CYRIA: variants seen among roughly 807,000 people sequenced by gnomAD.
The protein encoded by CYRIA is CYFIP related Rac1 interactor A, also known as CYFIP-related Rac1 interactor A.
In CYRIA, 15 loss-of-function variants were observed where a neutral mutation model predicts 43.9. The observed-to-expected ratio is 0.34, with a 90% CI of 0.23 to 0.53. CYRIA has a LOEUF of 0.53. CYRIA is among the 20% of genes least tolerant of loss of function. CYRIA has a pLI of 0.94. For missense variants in CYRIA, 236 were observed against 394.2 expected, an observed-to-expected ratio of 0.60 and a Z score of 3.40; for synonymous variants, 117 against 136.0, an observed-to-expected ratio of 0.86 and a Z score of 0.97.
chr2:16,661,351 T>C (rs1670249405), intron 1 of CYRIA, among the ~76,000 whole-genome samples: 1 of 152,168 alleles, frequency 6.6e-6, no homozygotes, highest in South Asian at 2.1e-4. Flanking sequence ...TGTTCTGACC[T>C]TGTTTCTCCT....
intron 4 of CYRIA, among the ~76,000 whole-genome samples, 163 bp downstream of exon 4, chr2:16,565,483 G>C (rs1053616810): frequency 1.3e-5 from 2 of 152,138 alleles, no homozygotes; most frequent in African/African-American, 4.8e-5. Context: ...ACCGCAGCCG[G>C]CCCATGCATT....
intron 1 of CYRIA, among the ~76,000 whole-genome samples, chr2:16,641,932 A>T (rs35993580): frequency 0.67 from 102,498 of 152,030 alleles, 37,281 homozygotes; most frequent in Non-Finnish European, 0.84. Context: ...TTTTAGAAAG[A>T]CTTTATTTAC....
At chr2:16,559,355 G>C (rs949429653) in intron 10 of CYRIA, 105 bp downstream of exon 10, 13 of 1,330,374 alleles carry the variant, frequency 9.8e-6, no homozygotes, top group Non-Finnish European at 1.3e-5. Context: ...ATCTTAGAAA[G>C]ATCACTCTCA....
At chr2:16,555,265 A>G in intron 10 of CYRIA, 126 bp from the exon 11 acceptor site, 1 of 896,900 alleles carries the variant, frequency 1.1e-6, no homozygotes, top group South Asian at 1.7e-5. Flanking sequence ...CGCAGAAATG[A>G]CCAACAGGTT....
In CYRIA at chr2:16,589,351, C is replaced by G. The variant is rs781754342; in HGVS notation, c.-10-1222G>C. On this transcript the variant is annotated intron_variant, in intron 2 of 11. Coordinates refer to ENST00000381323, the MANE Select transcript of CYRIA (RefSeq NM_030797.4). Reference sequence around the variant, plus strand: ...AGAGAAGAATGCACTGAAAGGATGACTCTGCGCATGAGAATATGTAGCAAG... The same window carrying G: ...AGAGAAGAATGCACTGAAAGGATGAGTCTGCGCATGAGAATATGTAGCAAG... 3.9e-5 allele frequency among the ~76,000 whole-genome samples: 6 copies of G among 152,246 alleles called. No individual in the cohort carries two copies. The South Asian group carries it at 1.0e-3, about 26-fold the overall frequency.
At chr2:16,611,356 G>A (rs1025252071) in intron 2 of CYRIA, among the ~76,000 whole-genome samples, 2 of 152,036 alleles carry the variant, frequency 1.3e-5, no homozygotes. Flanking sequence ...AGAGAGAGAC[G>A]CCATCTCAAA....
intron 2 of CYRIA, among the ~76,000 whole-genome samples, chr2:16,619,256 A>G (rs1274410219): frequency 6.6e-6 from 1 of 152,190 alleles, no homozygotes; most frequent in African/African-American, 2.4e-5. Flanking sequence ...TAGGTTCTAG[A>G]ATAAATTCTA....
rs1669082942 is a variant in CYRIA at position 16,624,001 on chromosome 2, T to G, written c.-148A>C. ...CTAGAGTCCTGTAGCTTTTCTGTCC[T>G]TAAGATGGTGGTACCCTGCTAAAAA... On this transcript the variant is annotated 5_prime_UTR_variant, in exon 2 of 12. Transcript: ENST00000381323. 6.6e-6 allele frequency: 1 copy of G among 152,222 alleles called. No individual in the cohort carries two copies. Among genetic ancestry groups the G allele is most frequent in the African/African-American group, 2.4e-5 (1 of 41,458 alleles). The allele number at this position is 152,222 out of a possible 1,614,324, so 9.4% of individuals were successfully genotyped here. A position where few individuals can be genotyped will look rare whatever the true frequency, so the allele number is the denominator to read the frequency against.
At chr2:16,617,078 C>T (rs1220568481) in intron 2 of CYRIA, among the ~76,000 whole-genome samples, 1 of 152,228 alleles carries the variant, frequency 6.6e-6, no homozygotes, top group Non-Finnish European at 1.5e-5. Context: ...AGTTTCTAGG[C>T]TCCTTGTATT....
intron 1 of CYRIA, among the ~76,000 whole-genome samples, chr2:16,645,880 A>C (rs1295308487): frequency 6.6e-6 from 1 of 152,238 alleles, no homozygotes; most frequent in Non-Finnish European, 1.5e-5. Context: ...GAGAACACGA[A>C]AAAGACCCTG....
chr2:16,605,200 T>C (rs938530176), intron 2 of CYRIA, among the ~76,000 whole-genome samples: 8 of 152,206 alleles, frequency 5.3e-5, no homozygotes, highest in African/African-American at 1.7e-4. Flanking sequence ...TTTCAATATC[T>C]GAGTTCAGTT....
At chr2:16,621,795 T>C (rs981948343) in intron 2 of CYRIA, among the ~76,000 whole-genome samples, 4 of 152,232 alleles carry the variant, frequency 2.6e-5, no homozygotes, top group African/African-American at 9.6e-5. Context: ...CTCAACTCTC[T>C]AGCTCTCTGA....
In CYRIA at chr2:16,552,692, A is replaced by G; in HGVS notation, c.*244T>C. 2.2e-6 allele frequency: 1 copy of G among 462,276 alleles called. No homozygotes were observed. The highest frequency in any genetic ancestry group is 3.5e-5 in the East Asian group (1 of 28,786). The allele number at this position is 462,276 out of a possible 1,614,324, so 28.6% of individuals were successfully genotyped here. A position where few individuals can be genotyped will look rare whatever the true frequency, so the allele number is the denominator to read the frequency against. On this transcript the variant is annotated 3_prime_UTR_variant, in exon 12 of 12. Coordinates refer to ENST00000381323, the MANE Select transcript of CYRIA (RefSeq NM_030797.4). ...TAAAGGACTCCAGTAGCAAAGATCA[A>G]AGTCTCCGAATTTTGCCTTTGGAGA...
At chr2:16,561,717 G>A (rs535629783) in intron 6 of CYRIA, among the ~76,000 whole-genome samples, 184 bp from the exon 7 acceptor site, 5 of 152,258 alleles carry the variant, frequency 3.3e-5, no homozygotes, top group Admixed American at 1.3e-4. Flanking sequence ...TATGCCCTGT[G>A]GGCTAGATTT....
intron 1 of CYRIA, among the ~76,000 whole-genome samples, chr2:16,654,533 G>A (rs982043650): frequency 4.6e-5 from 7 of 152,118 alleles, no homozygotes; most frequent in Middle Eastern, 3.2e-3. Flanking sequence ...GAAGCAGTGC[G>A]AGCTGTGTGG....
chr2:16,655,771 G>C (rs889220686), intron 1 of CYRIA, among the ~76,000 whole-genome samples: 3 of 151,700 alleles, frequency 2.0e-5, no homozygotes, highest in African/African-American at 7.3e-5. Flanking sequence ...ATGCATTCTT[G>C]GTCTTTTTTT....
At chr2:16,584,661 C>T (rs932570634) in intron 3 of CYRIA, among the ~76,000 whole-genome samples, 17 of 152,168 alleles carry the variant, frequency 1.1e-4, no homozygotes, top group Admixed American at 6.5e-4. Flanking sequence ...CCATTTCATC[C>T]GCCGTTTCTC....
chr2:16,656,582 C>G (rs1670119913), intron 1 of CYRIA, among the ~76,000 whole-genome samples: 1 of 152,172 alleles, frequency 6.6e-6, no homozygotes, highest in Non-Finnish European at 1.5e-5. Flanking sequence ...GTGGGTGAGA[C>G]CCTCCTCCAG....
chr2:16,611,736 G>T (rs1410407773), intron 2 of CYRIA, among the ~76,000 whole-genome samples: 2 of 142,768 alleles, frequency 1.4e-5, no homozygotes, highest in Non-Finnish European at 3.1e-5. Flanking sequence ...TTCACTTTGG[G>T]ATCTGCTGAG....
Sources: allele counts gnomAD v4.1 joint callset (sites outside exome capture counted in the v4.1 genomes callset), GRCh38; gene constraint gnomAD v4.1.1; transcripts MANE v1.5; gene names NCBI Gene and HGNC (gene_info 2026-07-23, HGNC 2026-07-21).